LAMA2: variants seen among roughly 807,000 people sequenced by gnomAD.
The protein encoded by LAMA2 is laminin subunit alpha 2, also known as laminin subunit alpha-2.
LAMA2 carries 269 observed loss-of-function variants against 364.8 expected under a neutral mutation model. That is an observed-to-expected ratio of 0.74 (90% CI 0.67 to 0.82). The LOEUF (loss-of-function observed/expected upper bound fraction) is 0.82, where lower values mean the gene tolerates loss of function less well. Among genes scored for constraint, LAMA2 ranks in the 40% least tolerant of loss-of-function variants. LAMA2 has a pLI of 0.00. For synonymous variants in LAMA2, 1,379 were observed against 1,370.6 expected, an observed-to-expected ratio of 1.01 and a Z score of -0.14; for missense variants, 3,807 against 3,873.2, an observed-to-expected ratio of 0.98 and a Z score of 0.45.
chr6:128,977,753 T>C (rs1183286329), intron 1 of LAMA2, among the ~76,000 whole-genome samples: 1 of 152,222 alleles, frequency 6.6e-6, no homozygotes, highest in African/African-American at 2.4e-5. Flanking sequence ...ACAAAATTAA[T>C]TTATTTTCAA....
intron 3 of LAMA2, among the ~76,000 whole-genome samples, chr6:129,081,827 TAGA>T (rs1378886069): frequency 2.0e-5 from 3 of 152,168 alleles, no homozygotes; most frequent in Non-Finnish European, 2.9e-5. Flanking sequence ...CCAAATTTTA[TAGA>T]AGAAGCATTT....
intron 1 of LAMA2, among the ~76,000 whole-genome samples, chr6:128,987,875 G>C (rs1301098024): frequency 6.6e-6 from 1 of 152,026 alleles, no homozygotes; most frequent in Non-Finnish European, 1.5e-5. Flanking sequence ...CAGCATGTAA[G>C]TTTTTTGTTT....
At position 129,082,348 on chromosome 6, in the gene LAMA2, T is replaced by A. The variant is rs147346665; in HGVS notation, c.397-15825T>A. Among the ~76,000 whole-genome samples the A allele has an allele frequency of 2.8e-3, 420 of 152,222 alleles. 9 individuals carry two copies. The South Asian group carries it at 0.041, about 15-fold the overall frequency. On this transcript the variant is annotated intron_variant, in intron 3 of 64. Coordinates refer to ENST00000421865, the MANE Select transcript of LAMA2 (RefSeq NM_000426.4). The stretch of plus-strand genomic sequence containing the variant: ...CACTCCACTGCAATAATATTACAGA[T>A]GTTATTCCCTGATTAAGAATAGTAT...
At chr6:129,209,280 T>C (rs1481438835) in intron 12 of LAMA2, among the ~76,000 whole-genome samples, 1 of 152,250 alleles carries the variant, frequency 6.6e-6, no homozygotes, top group Non-Finnish European at 1.5e-5. Flanking sequence ...ATCTTAAGTC[T>C]GCTCTTGATC....
chr6:129,046,901 C>G (rs879579353), intron 1 of LAMA2, among the ~76,000 whole-genome samples: 1 of 152,136 alleles, frequency 6.6e-6, no homozygotes, highest in Non-Finnish European at 1.5e-5. Flanking sequence ...ATAAGCCCAT[C>G]TTAGTAATAT....
At chr6:129,482,856 C>A (rs780917553) in intron 55 of LAMA2, among the ~76,000 whole-genome samples, 1 of 151,882 alleles carries the variant, frequency 6.6e-6, no homozygotes, top group African/African-American at 2.4e-5. Flanking sequence ...GTCAGGATTT[C>A]GAGACCAGCC....
intron 1 of LAMA2, among the ~76,000 whole-genome samples, chr6:128,971,518 GT>G (rs1782184835): frequency 6.6e-6 from 1 of 152,174 alleles, no homozygotes; most frequent in Non-Finnish European, 1.5e-5. Flanking sequence ...CTGTACAGGG[GT>G]TTGGAGGATG....
intron 9 of LAMA2, among the ~76,000 whole-genome samples, chr6:129,175,583 C>G (rs1054129214): frequency 3.3e-5 from 5 of 152,112 alleles, no homozygotes; most frequent in African/African-American, 9.7e-5. Flanking sequence ...TAAAAATTAA[C>G]TAGCATTACA....
chr6:129,320,944 A>T (rs1038388349), intron 28 of LAMA2, among the ~76,000 whole-genome samples: 2 of 152,210 alleles, frequency 1.3e-5, no homozygotes, highest in Non-Finnish European at 2.9e-5. Flanking sequence ...ATTTTCTTGG[A>T]CCACTTCTGA....
At chr6:129,202,054 G>A (rs924798348) in intron 12 of LAMA2, among the ~76,000 whole-genome samples, 4 of 151,834 alleles carry the variant, frequency 2.6e-5, no homozygotes, top group African/African-American at 7.3e-5. Context: ...TGGGCATGGT[G>A]GTGCACACCT....
At chr6:129,048,895 GT>G (rs1787795742) in intron 1 of LAMA2, among the ~76,000 whole-genome samples, 1 of 151,964 alleles carries the variant, frequency 6.6e-6, no homozygotes, top group African/African-American at 2.4e-5. Context: ...GATTACAGGC[GT>G]GAGTCACCAC....
intron 12 of LAMA2, among the ~76,000 whole-genome samples, chr6:129,206,050 A>AGGAAGGGAAG (rs148493751): frequency 2.4e-5 from 3 of 126,836 alleles, no homozygotes; most frequent in African/African-American, 9.6e-5. Context: ...AAAGAAAAAA[A>AGGAAGGGAAG]GGAAGGGAAG....
intron 1 of LAMA2, among the ~76,000 whole-genome samples, chr6:129,044,500 A>G (rs1352908514): frequency 3.3e-5 from 5 of 151,804 alleles, no homozygotes; most frequent in Non-Finnish European, 5.9e-5. Context: ...GCAGAATTTC[A>G]GTTTTTCAAA....
Position 129,496,171 on chromosome 6 carries a change from T to TTGTC in LAMA2, c.8244+3692_8244+3695dup, listed in dbSNP as rs1247521020. Among the ~76,000 whole-genome samples, 4 of 152,076 alleles carry TTGTC rather than the reference T, an allele frequency of 2.6e-5. No individual in the cohort carries two copies. In the East Asian group the frequency reaches 5.8e-4, roughly 22 times the overall value. ...ACCTTCTTTTTGTTTGTTTGTTTGT[T>TTGTC]TGTCTGTTTTTTGAGATGGAGTTTC... On this transcript the variant is annotated intron_variant, in intron 58 of 64. Transcript: ENST00000421865.
At chr6:128,923,597 G>A (rs1335324940) in intron 1 of LAMA2, among the ~76,000 whole-genome samples, 4 of 152,110 alleles carry the variant, frequency 2.6e-5, no homozygotes, top group Non-Finnish European at 4.4e-5. Flanking sequence ...CAGAAAGGAT[G>A]AAGATATAGA....
chr6:129,440,278 G>A (rs573387552), intron 42 of LAMA2, among the ~76,000 whole-genome samples: 95 of 139,674 alleles, frequency 6.8e-4, no homozygotes, highest in Middle Eastern at 3.6e-3. Context: ...CTTTTTTAAC[G>A]TTTAAAAACC....
chr6:128,955,013 C>T (rs1781057780), intron 1 of LAMA2, among the ~76,000 whole-genome samples: 1 of 151,358 alleles, frequency 6.6e-6, no homozygotes. Context: ...TCACTCCTCA[C>T]AAGGAAATAC....
intron 4 of LAMA2, among the ~76,000 whole-genome samples, chr6:129,119,024 G>A (rs1043977572): frequency 2.6e-5 from 4 of 152,104 alleles, no homozygotes; most frequent in African/African-American, 7.2e-5. Context: ...AATTGTTTTG[G>A]GATCAGCGGT....
intron 10 of LAMA2, among the ~76,000 whole-genome samples, chr6:129,179,398 A>G (rs909216301): frequency 6.6e-6 from 1 of 152,116 alleles, no homozygotes; most frequent in Non-Finnish European, 1.5e-5. Context: ...CCTACCACTC[A>G]TACAGTGGTG....
Sources: allele counts gnomAD v4.1 joint callset (sites outside exome capture counted in the v4.1 genomes callset), GRCh38; gene constraint gnomAD v4.1.1; transcripts MANE v1.5; gene names NCBI Gene and HGNC (gene_info 2026-07-23, HGNC 2026-07-21).